Variants in AGAP6 observed in about 807,000 individuals in gnomAD.
AGAP6 encodes the protein arf-GAP with GTPase, ANK repeat and PH domain-containing protein 6.
Under a neutral mutation model 63.9 loss-of-function variants are expected in AGAP6, and 29 were observed. That is an observed-to-expected ratio of 0.45 (90% CI 0.34 to 0.62). The LOEUF (loss-of-function observed/expected upper bound fraction) is 0.62, where lower values mean the gene tolerates loss of function less well. Ranked by LOEUF, AGAP6 falls within the 20% of genes least tolerant of loss-of-function variation. The pLI, the probability that AGAP6 is intolerant of heterozygous loss-of-function variation, is 0.01. For synonymous variants in AGAP6, 199 were observed against 332.9 expected, an observed-to-expected ratio of 0.60 and a Z score of 4.38; for missense variants, 493 against 884.9, an observed-to-expected ratio of 0.56 and a Z score of 5.62.
In AGAP6 at chr10:49,993,495, T is replaced by C. The variant is rs1447241163; in HGVS notation, c.362-900T>C. On this transcript the variant is annotated intron_variant, in intron 3 of 7. Transcript: ENST00000412531. ...GATTTTTTGTGCTGCAGACACCATG[T>C]CCAATTAGGTTTGTATACTCATTTT... Among the ~76,000 whole-genome samples the C allele has an allele frequency of 3.9e-5, 6 of 152,256 alleles. 1 individual carries two copies. In the Middle Eastern group the frequency reaches 0.014, roughly 345 times the overall value.
chr10:49,992,429 A>G lies in AGAP6; in HGVS notation c.361+685A>G, dbSNP rs549989987. On this transcript the variant is annotated intron_variant, in intron 3 of 7. Coordinates refer to ENST00000412531, the MANE Select transcript of AGAP6 (RefSeq NM_001077665.3). Reference sequence around the variant, plus strand: ...GAATACAAGTGAGGGTTCTATAATAATGTGCGAAGTAATGCAGCACAGTAA... The same window carrying G: ...GAATACAAGTGAGGGTTCTATAATAGTGTGCGAAGTAATGCAGCACAGTAA... 1.2e-4 allele frequency among the ~76,000 whole-genome samples: 18 copies of G among 152,336 alleles called. 1 individual carries two copies. The highest frequency in any genetic ancestry group is 4.1e-4 in the African/African-American group (17 of 41,576).
rs1841734845 is a variant in AGAP6 at position 50,002,076 on chromosome 10, T to C, written c.477T>C (p.Tyr159=). The C allele has an allele frequency of 9.3e-6, 15 of 1,609,980 alleles. No homozygotes were observed. The highest frequency in any genetic ancestry group is 1.3e-5 in the Non-Finnish European group (15 of 1,179,612). Reference sequence around the variant, plus strand: ...ATGACAGCACAGCCATCCAGCATTATCTTACAATGACAATAATATCGTGAG... The same window carrying C: ...ATGACAGCACAGCCATCCAGCATTACCTTACAATGACAATAATATCGTGAG... The part of the protein sequence containing the change: ...FLDDSTAIQH[Y]LTMTIISVTL... The change falls in exon 5 of 8, where the codon TAT becomes TAC. Residue 159 remains tyrosine, a synonymous_variant. Coordinates refer to ENST00000412531, the MANE Select transcript of AGAP6 (RefSeq NM_001077665.3).
At chr10:50,008,280 A>G (rs1437405000) in intron 7 of AGAP6, among the ~76,000 whole-genome samples, 1 of 150,684 alleles carries the variant, frequency 6.6e-6, no homozygotes, top group African/African-American at 2.4e-5. Context: ...TATACTATCC[A>G]AACAACAGAA....
At chr10:49,989,427 T>G in intron 2 of AGAP6, 51 bp downstream of exon 2, 1 of 1,596,588 alleles carries the variant, frequency 6.3e-7, no homozygotes, top group Non-Finnish European at 8.5e-7. Flanking sequence ...GTACTTTGTT[T>G]AGGCTTCTTT....
chr10:50,008,066 A>C lies in AGAP6; in HGVS notation c.575A>C (p.His192Pro), dbSNP rs782191595. ...TTGAGCATACCTGATGAACAGTTACACTCATTTGCGGTAAGTGGCACTTTT... is the reference window on the plus strand; with the variant it reads ...TTGAGCATACCTGATGAACAGTTACCCTCATTTGCGGTAAGTGGCACTTTT... ...RTLSIPDEQL[H>P]SFAVSTVHIM... The change falls in exon 7 of 8, where the codon CAC becomes CCC. Residue 192 changes from histidine (H) to proline (P), a missense_variant. His to Pro is a moderately conservative substitution (Grantham distance 77, BLOSUM62 -2). Transcript: ENST00000412531. The C allele has an allele frequency of 6.2e-7, 1 of 1,611,898 alleles. No individual in the cohort carries two copies.
At chr10:50,005,614 A>T (rs1486358926) in intron 6 of AGAP6, among the ~76,000 whole-genome samples, 58 of 152,060 alleles carry the variant, frequency 3.8e-4, no homozygotes, top group Admixed American at 8.5e-4. Context: ...CTGTCTAAAC[A>T]AACAAACAAA....
chr10:49,989,650 C>T (rs1374118527), intron 2 of AGAP6, among the ~76,000 whole-genome samples: 1 of 151,658 alleles, frequency 6.6e-6, no homozygotes, highest in South Asian at 2.1e-4. Context: ...GAGGTTGCCA[C>T]GGGAGAGGCT....
intron 4 of AGAP6, among the ~76,000 whole-genome samples, chr10:49,999,097 G>T (rs1377433000): frequency 7.3e-6 from 1 of 136,674 alleles, no homozygotes; most frequent in Non-Finnish European, 1.5e-5. Context: ...AGTTAGCCGG[G>T]TGTGGTGGCG....
At chr10:49,992,502 C>T (rs1326595159) in intron 3 of AGAP6, among the ~76,000 whole-genome samples, 3 of 152,124 alleles carry the variant, frequency 2.0e-5, no homozygotes, top group Non-Finnish European at 4.4e-5. Context: ...GTAGACTTTG[C>T]CCATCTTGAG....
rs577373741 is a variant in AGAP6 at position 49,996,038 on chromosome 10, T to C, written c.396+1609T>C. On this transcript the variant is annotated intron_variant, in intron 4 of 7. Transcript: ENST00000412531. ...TGCAGACTATCTCTTCTTGAGAATTTTTTTTTATTTTCTCTGTTACTTTTT... is the reference window on the plus strand; with the variant it reads ...TGCAGACTATCTCTTCTTGAGAATTCTTTTTTATTTTCTCTGTTACTTTTT... Among the ~76,000 whole-genome samples the C allele has an allele frequency of 8.5e-5, 13 of 152,264 alleles. No individual in the cohort carries two copies. The East Asian group carries it at 2.3e-3, about 27-fold the overall frequency.
intron 4 of AGAP6, among the ~76,000 whole-genome samples, chr10:50,001,234 T>G (rs1841681543): frequency 6.7e-6 from 1 of 148,790 alleles, no homozygotes; most frequent in African/African-American, 2.5e-5. Context: ...GGAGGCTGAG[T>G]CAGGAGAATG....
chr10:49,993,819 C>CA (rs527964744), intron 3 of AGAP6, among the ~76,000 whole-genome samples: 1,585 of 103,564 alleles, frequency 0.015, 23 homozygotes, highest in African/African-American at 0.044. Flanking sequence ...GACTCCATCT[C>CA]AAAAAAAAAA....
In AGAP6 at chr10:50,009,413, G is replaced by A. The variant is rs1554864989; in HGVS notation, c.1288G>A (p.Glu430Lys). 6 of 1,613,702 alleles carry A rather than the reference G, an allele frequency of 3.7e-6. No individual in the cohort carries two copies. The Admixed American group carries it at 8.3e-5, about 22-fold the overall frequency. ...GCACTTTGAAGCCACGACGTATGAGGAGCGGGATGCCTGGGTCCAAGCCAT... is the reference window on the plus strand; with the variant it reads ...GCACTTTGAAGCCACGACGTATGAGAAGCGGGATGCCTGGGTCCAAGCCAT... ...TWHFEATTYE[E>K]RDAWVQAIQS... is the part of the protein sequence containing the mutation. The change falls in exon 8 of 8, where the codon GAG becomes AAG. Residue 430 changes from glutamate (E) to lysine (K), a missense_variant. Around this residue, in one of 7 missense-constraint regions of AGAP6, gnomAD observed 7 missense variants for 63.1 expected, o/e 0.11. Coordinates refer to ENST00000412531, the MANE Select transcript of AGAP6 (RefSeq NM_001077665.3).
rs1318021838 is a variant in AGAP6 at position 50,008,994 on chromosome 10, T to TAAAGCGA, written c.871_877dup (p.Ser293LysfsTer31). ...ATCCCCATTAAACAGGGCATGCTCT[T>TAAAGCGA]AAAGCGAAGTGGGAAATGGCTGAAG... On this transcript the variant is annotated frameshift_variant, in exon 8 of 8. Coordinates refer to ENST00000412531, the MANE Select transcript of AGAP6 (RefSeq NM_001077665.3). LOFTEE classifies it high-confidence loss of function. 1.9e-6 allele frequency: 3 copies of TAAAGCGA among 1,613,794 alleles called. No individual in the cohort carries two copies. The African/African-American group carries it at 4.0e-5, about 22-fold the overall frequency.
chr10:49,996,175 G>A (rs1365933165), intron 4 of AGAP6, among the ~76,000 whole-genome samples: 2 of 150,888 alleles, frequency 1.3e-5, no homozygotes, highest in Non-Finnish European at 3.0e-5. Context: ...TCTAGTTCTG[G>A]GATATTCTGT....
chr10:50,001,946 G>C (rs1196618444), intron 4 of AGAP6, 50 bp from the exon 5 acceptor site: 4 of 1,603,778 alleles, frequency 2.5e-6, no homozygotes, highest in Non-Finnish European at 3.4e-6. Flanking sequence ...TTTTAACTGA[G>C]AAAATAATAC....
intron 3 of AGAP6, among the ~76,000 whole-genome samples, chr10:49,993,791 G>A (rs1554861519): frequency 1.4e-5 from 2 of 142,578 alleles, no homozygotes; most frequent in Non-Finnish European, 3.0e-5. Context: ...CTGCACTCGA[G>A]CCTAGGTGAC....
At chr10:49,999,182 G>A (rs1290699852) in intron 4 of AGAP6, among the ~76,000 whole-genome samples, 1 of 136,616 alleles carries the variant, frequency 7.3e-6, no homozygotes, top group Non-Finnish European at 1.5e-5. Context: ...AGGTTGCAGT[G>A]AGCCAAGATC....
intron 4 of AGAP6, among the ~76,000 whole-genome samples, chr10:50,001,117 TGAG>T (rs1365275175): frequency 6.6e-5 from 10 of 151,464 alleles, no homozygotes; most frequent in Non-Finnish European, 1.3e-4. Context: ...GATCGCGAGG[TGAG>T]GAGATCGAGA....
Sources: allele counts gnomAD v4.1 joint callset (sites outside exome capture counted in the v4.1 genomes callset), GRCh38; gene constraint gnomAD v4.1.1; regional missense constraint gnomAD v4.1.1; transcripts MANE v1.5; gene names NCBI Gene and HGNC (gene_info 2026-07-23, HGNC 2026-07-21).